Variants in ADAMTS5 observed in about 807,000 individuals in gnomAD.
The protein encoded by ADAMTS5 is A disintegrin and metalloproteinase with thrombospondin motifs 5.
Under a neutral mutation model 81.4 loss-of-function variants are expected in ADAMTS5, and 54 were observed. The ratio of observed to expected loss-of-function variants is 0.66; its 90% confidence interval spans 0.53 to 0.83. The LOEUF (loss-of-function observed/expected upper bound fraction) is 0.83. ADAMTS5 is among the 40% of genes least tolerant of loss of function. The pLI is 0.00. For synonymous variants in ADAMTS5, 532 were observed against 508.8 expected (o/e 1.05, Z -0.61); for missense variants, 1,194 against 1,229.9 (o/e 0.97, Z 0.44).
chr21:26,939,974 T>C (rs534075165), intron 3 of ADAMTS5, among the ~76,000 whole-genome samples: 5 of 152,340 alleles, frequency 3.3e-5, no homozygotes, highest in African/African-American at 9.6e-5. Flanking sequence ...ACAGTGACTT[T>C]AGAGTGAGCA....
At chr21:26,955,707 C>G (rs1987413429) in intron 1 of ADAMTS5, among the ~76,000 whole-genome samples, 1 of 152,082 alleles carries the variant, frequency 6.6e-6, no homozygotes, top group Non-Finnish European at 1.5e-5. Context: ...TTTGACATGA[C>G]AGATTCATAA....
intron 1 of ADAMTS5, among the ~76,000 whole-genome samples, chr21:26,958,571 T>A (rs998648325): frequency 6.6e-6 from 1 of 152,198 alleles, no homozygotes; most frequent in Admixed American, 6.5e-5. Context: ...TGTCTCTTGA[T>A]ACACCTAAGG....
chr21:26,964,124 A>G lies in ADAMTS5; in HGVS notation c.1104+1164T>C, dbSNP rs1463949643. On this transcript the variant is annotated intron_variant, in intron 1 of 7. Coordinates refer to ENST00000284987, the MANE Select transcript of ADAMTS5 (RefSeq NM_007038.5). ...TACCATGATTTTACATAATACTTCA[A>G]AGTTTGTAATCCTTAATCTATTCTG... Among the ~76,000 whole-genome samples the G allele has an allele frequency of 1.3e-5, 2 of 152,150 alleles. 1 individual carries two copies. The highest frequency in any genetic ancestry group is 1.3e-4 in the Admixed American group (2 of 15,278).
At position 26,932,836 on chromosome 21, in the gene ADAMTS5, T is replaced by C. The variant is rs777840823; in HGVS notation, c.1873+25A>G. On this transcript the variant is annotated intron_variant, in intron 5 of 7. Coordinates refer to ENST00000284987, the MANE Select transcript of ADAMTS5 (RefSeq NM_007038.5). The stretch of plus-strand genomic sequence containing the variant: ...ACAAATGACATGTAGCATATGATGG[T>C]TGCTGACACTTGGGAGCAGCGTACC... 5.1e-6 allele frequency: 8 copies of C among 1,583,996 alleles called. No homozygotes were observed. The African/African-American group carries it at 1.1e-4, about 22-fold the overall frequency.
Position 26,924,583 on chromosome 21 carries a change from C to T in ADAMTS5, c.2263G>A (p.Ala755Thr). 1 of 1,613,708 alleles carries T rather than the reference C, an allele frequency of 6.2e-7. No homozygotes were observed. Among genetic ancestry groups the T allele is most frequent in the Non-Finnish European group, 8.5e-7 (1 of 1,179,876 alleles). The change falls in exon 8 of 8, where the codon GCA (alanine) becomes ACA (threonine). Residue 755 changes from alanine (A) to threonine (T), a missense_variant. Ala to Thr is a moderately conservative substitution (Grantham distance 58). Around this residue, in one of 2 missense-constraint regions of ADAMTS5, gnomAD observed 696 missense variants for 817.6 expected, o/e 0.85. Coordinates refer to ENST00000284987, the MANE Select transcript of ADAMTS5 (RefSeq NM_007038.5). ...YTDVVRIPEGATHIKVRQFKA... is the reference protein window; with the variant it reads ...YTDVVRIPEGTTHIKVRQFKA... ...AACTGTCGAACTTTTATGTGGGTTG[C>T]CCCTTCAGGAATCCTCACCACGTCA... is the stretch of plus-strand genomic sequence containing the variant.
Position 26,923,936 on chromosome 21 carries a change from TG to T in ADAMTS5, c.*116del. 9.1e-7 allele frequency: 1 copy of T among 1,100,658 alleles called. No homozygotes were observed. Among genetic ancestry groups the T allele is most frequent in the East Asian group, 2.6e-5 (1 of 38,718 alleles). The allele number at this position is 1,100,658 out of a possible 1,614,324, so 68.2% of individuals were successfully genotyped here. A position where few individuals can be genotyped will look rare whatever the true frequency, so the allele number is the denominator to read the frequency against. On this transcript the variant is annotated 3_prime_UTR_variant, in exon 8 of 8. Transcript: ENST00000284987. The stretch of plus-strand genomic sequence containing the variant: ...CAGATTCTGCCCATAATTGGACTCC[TG>T]TTGACAATGTCACTGAAGCATGACT...
rs566855427 is a variant in ADAMTS5 at position 26,961,610 on chromosome 21, G to A, written c.1104+3678C>T. ...CACACATAGGAGGTGCATGTAGGCAGATACTGCACAGATTTTAGATTTTTC... is the reference window on the plus strand; with the variant it reads ...CACACATAGGAGGTGCATGTAGGCAAATACTGCACAGATTTTAGATTTTTC... On this transcript the variant is annotated intron_variant, in intron 1 of 7. Coordinates refer to ENST00000284987, the MANE Select transcript of ADAMTS5 (RefSeq NM_007038.5). Among the ~76,000 whole-genome samples the A allele has an allele frequency of 2.6e-5, 4 of 152,322 alleles. No individual in the cohort carries two copies. The East Asian group carries it at 5.8e-4, about 22-fold the overall frequency.
rs564501664 is a variant in ADAMTS5 at position 26,918,406 on chromosome 21, T to C, written c.*5647A>G. 8 of 152,474 alleles carry C rather than the reference T, an allele frequency of 5.2e-5. No individual in the cohort carries two copies. The highest frequency in any genetic ancestry group is 1.7e-4 in the African/African-American group (7 of 41,554). 9.4% of individuals were successfully genotyped at this position (152,474 alleles called of 1,614,324 possible). On this transcript the variant is annotated 3_prime_UTR_variant, in exon 8 of 8. Transcript: ENST00000284987. ...TTGACTTTACTCACAGACTCTAATA[T>C]AGAAACCAAATATTTATGCAATTGC...
At chr21:26,963,600 T>G (rs1987570990) in intron 1 of ADAMTS5, among the ~76,000 whole-genome samples, 1 of 124,496 alleles carries the variant, frequency 8.0e-6, no homozygotes, top group Non-Finnish European at 1.6e-5. Context: ...CCTCTTGTGA[T>G]GTAGCAGAGC....
Position 26,924,412 on chromosome 21 carries a change from T to C in ADAMTS5, c.2434A>G (p.Ser812Gly), listed in dbSNP as rs751576661. The change falls in exon 8 of 8, where the codon AGC (serine) becomes GGC (glycine). Residue 812 changes from serine to glycine, a missense_variant. Transcript: ENST00000284987. ...CCATGCAGGAAGTCATCCCTGTGGC[T>C]CCAACCGCTATAGTTCATGACTGTT... ...NGTVMNYSGW[S>G]HRDDFLHGMG... 5.0e-6 allele frequency: 8 copies of C among 1,614,142 alleles called. No individual in the cohort carries two copies. Among genetic ancestry groups the C allele is most frequent in the Non-Finnish European group, 6.8e-6 (8 of 1,179,942 alleles).
intron 7 of ADAMTS5, among the ~76,000 whole-genome samples, chr21:26,926,483 G>A (rs986060475): frequency 1.3e-5 from 2 of 152,148 alleles, no homozygotes; most frequent in Non-Finnish European, 2.9e-5. Context: ...GACCAGCCTG[G>A]CAAACATAGG....
intron 3 of ADAMTS5, among the ~76,000 whole-genome samples, chr21:26,937,232 G>A (rs1333782880): frequency 6.6e-6 from 1 of 152,172 alleles, no homozygotes; most frequent in African/African-American, 2.4e-5. Context: ...CCAACAAGGA[G>A]ACTTCAAGAT....
In ADAMTS5 at chr21:26,965,624, C is replaced by T. The variant is rs1295893471; in HGVS notation, c.768G>A (p.Trp256Ter). 6.3e-7 allele frequency: 1 copy of T among 1,597,546 alleles called. No homozygotes were observed. Residue 256 changes from tryptophan to a stop codon, truncating the protein, a stop_gained, in exon 1 of 8, where the codon TGG (tryptophan) becomes TGA (stop). Transcript: ENST00000284987. LOFTEE classifies it high-confidence loss of function. ...GGGAGATGGAGCGGCGCCGCCGCCG[C>T]CACCACGTCTGCGGTCCTGAGCCCC... ...PAGGSGPQTWWRRRRRSISRA... is the reference protein window; with the variant it reads ...PAGGSGPQTW
Position 26,931,921 on chromosome 21 carries a change from A to C in ADAMTS5, c.2049+83T>G, listed in dbSNP as rs941047773. ...ACTGACCCCAAACTAATAACTGTTTACGTCTGGCGTCCGCAGGCTTCATTC... is the reference window on the plus strand; with the variant it reads ...ACTGACCCCAAACTAATAACTGTTTCCGTCTGGCGTCCGCAGGCTTCATTC... On this transcript the variant is annotated intron_variant, in intron 6 of 7. Coordinates refer to ENST00000284987, the MANE Select transcript of ADAMTS5 (RefSeq NM_007038.5). The C allele has an allele frequency of 1.0e-5, 14 of 1,377,478 alleles. No homozygotes were observed. In the Admixed American group the frequency reaches 2.6e-4, roughly 26 times the overall value. The allele number at this position is 1,377,478 out of a possible 1,614,324, so 85.3% of individuals were successfully genotyped here.
intron 3 of ADAMTS5, among the ~76,000 whole-genome samples, chr21:26,936,133 C>G (rs1601004914): frequency 6.6e-6 from 1 of 152,252 alleles, no homozygotes; most frequent in East Asian, 1.9e-4. Context: ...GAGTAGCTGC[C>G]TGATTGTATT....
In ADAMTS5 at chr21:26,929,976, A is replaced by G. The variant is rs1986876167; in HGVS notation, c.2135T>C (p.Ile712Thr). The change falls in exon 7 of 8, where the codon ATT (isoleucine) becomes ACT (threonine). Residue 712 changes from isoleucine (I) to threonine (T), a missense_variant. Around this residue, in one of 2 missense-constraint regions of ADAMTS5, gnomAD observed 696 missense variants for 817.6 expected, o/e 0.85. Transcript: ENST00000284987. ...KCVRTGCDGI[I>T]GSKLQYDKCG... Reference sequence around the variant, plus strand: ...CTTGTCATACTGCAGCTTTGAGCCAATGATGCCGTCACAGCCAGTTCTCAC... The same window carrying G: ...CTTGTCATACTGCAGCTTTGAGCCAGTGATGCCGTCACAGCCAGTTCTCAC... 1 of 1,614,042 alleles carries G rather than the reference A, an allele frequency of 6.2e-7. No homozygotes were observed. Among genetic ancestry groups the G allele is most frequent in the Admixed American group, 1.7e-5 (1 of 60,002 alleles).
Position 26,922,404 on chromosome 21 carries a change from C to A in ADAMTS5, c.*1649G>T, listed in dbSNP as rs772548072. On this transcript the variant is annotated 3_prime_UTR_variant, in exon 8 of 8. Transcript: ENST00000284987. The stretch of plus-strand genomic sequence containing the variant: ...TATAATAAAAATAAACTCTCATGAG[C>A]TTGTAGAACTCAAACAGTGGTTCCC... The A allele has an allele frequency of 2.6e-5, 4 of 151,996 alleles. No homozygotes were observed. Among genetic ancestry groups the A allele is most frequent in the Non-Finnish European group, 5.9e-5 (4 of 67,950 alleles). The allele number at this position is 151,996 out of a possible 1,614,324, so 9.4% of individuals were successfully genotyped here.
intron 7 of ADAMTS5, among the ~76,000 whole-genome samples, chr21:26,928,361 C>G (rs1986841249): frequency 6.6e-6 from 1 of 152,104 alleles, no homozygotes; most frequent in African/African-American, 2.4e-5. Context: ...TTGGTCAAAC[C>G]AATTTTCAGG....
intron 2 of ADAMTS5, among the ~76,000 whole-genome samples, chr21:26,947,394 C>T (rs1477432190): frequency 6.6e-6 from 1 of 151,958 alleles, no homozygotes; most frequent in Non-Finnish European, 1.5e-5. Context: ...CCAAGCGGTG[C>T]CTACCTCAGA....
Sources: gnomAD v4.1 joint callset for allele counts (sites outside exome capture counted in the v4.1 genomes callset) on GRCh38, gnomAD v4.1.1 for gene constraint, gnomAD v4.1.1 regional missense constraint, MANE v1.5 for transcripts, NCBI Gene and HGNC (gene_info 2026-07-23, HGNC 2026-07-21) for gene names.